The following ANO2 variants were observed in gnomAD, a reference collection of about 807,000 sequenced individuals.
ANO2 encodes the protein anoctamin 2.
In ANO2, 101 loss-of-function variants were observed where a neutral mutation model predicts 124.2. That is an observed-to-expected ratio of 0.81 (90% confidence interval 0.69 to 0.96). The LOEUF is 0.96. Among genes scored for constraint, ANO2 ranks in the 40% least tolerant of loss-of-function variants. The pLI is 0.00. For synonymous variants in ANO2, 486 were observed against 482.5 expected (o/e 1.01, Z -0.09); for missense variants, 1,293 against 1,274.5 (o/e 1.01, Z -0.22).
At chr12:5,733,128 G>A in intron 13 of ANO2, 1 of 574,150 alleles carries the variant, frequency 1.7e-6, no homozygotes, top group Non-Finnish European at 3.1e-6. Flanking sequence ...TATTCTCTGA[G>A]CTAAAATGGC....
intron 10 of ANO2, among the ~76,000 whole-genome samples, chr12:5,755,491 C>T (rs1011344884): frequency 2.6e-5 from 4 of 151,640 alleles, no homozygotes; most frequent in Admixed American, 1.3e-4. Context: ...GTGCCATGTT[C>T]GTGTGCTGCA....
At chr12:5,938,523 A>G (rs1942752565) in intron 1 of ANO2, among the ~76,000 whole-genome samples, 1 of 152,200 alleles carries the variant, frequency 6.6e-6, no homozygotes, top group East Asian at 1.9e-4. Flanking sequence ...TTATTTACTT[A>G]TTAAGATAAG....
chr12:5,750,431 T>G (rs990887851), intron 11 of ANO2, among the ~76,000 whole-genome samples: 3 of 152,226 alleles, frequency 2.0e-5, no homozygotes, highest in Non-Finnish European at 4.4e-5. Flanking sequence ...ACCACACAGA[T>G]GTGATTTCTA....
At chr12:5,785,126 C>T (rs1179279500) in intron 10 of ANO2, among the ~76,000 whole-genome samples, 1 of 152,072 alleles carries the variant, frequency 6.6e-6, no homozygotes, top group African/African-American at 2.4e-5. Flanking sequence ...TCCAGCAGGC[C>T]CAGACAGTGG....
At chr12:5,613,214 G>GGT (rs967588816) in intron 17 of ANO2, among the ~76,000 whole-genome samples, 1 of 152,030 alleles carries the variant, frequency 6.6e-6, no homozygotes, top group African/African-American at 2.4e-5. Context: ...AGCTGGGCCT[G>GGT]GTGTGTGTGC....
chr12:5,877,804 C>A (rs1225532861), intron 3 of ANO2, among the ~76,000 whole-genome samples: 1 of 152,206 alleles, frequency 6.6e-6, no homozygotes, highest in Non-Finnish European at 1.5e-5. Flanking sequence ...AAGGAACGCA[C>A]AACCTAGATT....
intron 10 of ANO2, among the ~76,000 whole-genome samples, chr12:5,754,523 A>G (rs1221368956): frequency 2.0e-5 from 3 of 152,166 alleles, no homozygotes; most frequent in Non-Finnish European, 4.4e-5. Flanking sequence ...GGAAGGATTC[A>G]TCCATGAAAC....
At chr12:5,826,186 C>T (rs1054143964) in intron 7 of ANO2, among the ~76,000 whole-genome samples, 11 of 151,956 alleles carry the variant, frequency 7.2e-5, no homozygotes, top group African/African-American at 9.7e-5. Flanking sequence ...AGTGCATTTC[C>T]GGTTGTACGA....
chr12:5,695,703 T>C (rs949150508), intron 14 of ANO2, among the ~76,000 whole-genome samples: 1 of 152,080 alleles, frequency 6.6e-6, no homozygotes. Context: ...TAGTTGGGCC[T>C]GGTGGCGCGT....
chr12:5,885,079 G>A (rs1006990585), intron 3 of ANO2, among the ~76,000 whole-genome samples: 9 of 152,148 alleles, frequency 5.9e-5, no homozygotes, highest in African/African-American at 1.7e-4. Context: ...CGTGGAAGCC[G>A]AACAAAATTT....
intron 10 of ANO2, among the ~76,000 whole-genome samples, chr12:5,755,751 C>T (rs1175382378): frequency 6.6e-6 from 1 of 152,136 alleles, no homozygotes; most frequent in Non-Finnish European, 1.5e-5. Flanking sequence ...TTTTGTATGG[C>T]TGCATAGTAT....
At position 5,565,628 on chromosome 12, in the gene ANO2, T is replaced by A; in HGVS notation, c.2657A>T (p.Asn886Ile). ...GTACTGTTTCGAAAACTCATAAGGG[T>A]TCGGGGCCCATGGCGGCTCTCGGTA... is the stretch of plus-strand genomic sequence containing the variant. ...KDYREPPWAP[N>I]PYEFSKQYWF... The change falls in exon 24 of 25, where the codon AAC becomes ATC. Residue 886 changes from asparagine to isoleucine, a missense_variant. Coordinates refer to ENST00000682330, the MANE Select transcript of ANO2 (RefSeq NM_001364791.2). 6.2e-7 allele frequency: 1 copy of A among 1,604,900 alleles called. No homozygotes were observed. The highest frequency in any genetic ancestry group is 8.5e-7 in the Non-Finnish European group (1 of 1,175,674).
intron 10 of ANO2, among the ~76,000 whole-genome samples, chr12:5,770,973 C>T (rs1952060730): frequency 6.6e-6 from 1 of 152,156 alleles, no homozygotes; most frequent in Admixed American, 6.5e-5. Context: ...CTGTGATCAC[C>T]CCATCCCAAA....
chr12:5,868,002 C>A (rs1351127612), intron 3 of ANO2, among the ~76,000 whole-genome samples: 1 of 151,960 alleles, frequency 6.6e-6, no homozygotes, highest in Non-Finnish European at 1.5e-5. Flanking sequence ...TTCAATAGCA[C>A]AATGGATAAC....
rs531112107 is a variant in ANO2, at chr12:5,930,451, G to A, written c.23-7647C>T. The stretch of plus-strand genomic sequence containing the variant: ...TGTTGGGAGATGAAGTGGTCCAGAC[G>A]GGTAGGTGCGGACTCGATCAGGAAA... On this transcript the variant is annotated intron_variant, in intron 1 of 24. Coordinates refer to ENST00000682330, the MANE Select transcript of ANO2 (RefSeq NM_001364791.2). Among the ~76,000 whole-genome samples the A allele has an allele frequency of 6.5e-4, 99 of 152,216 alleles. 1 individual carries two copies. The highest frequency in any genetic ancestry group is 3.1e-4 in the Non-Finnish European group (21 of 67,998).
At chr12:5,665,026 T>C (rs1324984277) in intron 14 of ANO2, among the ~76,000 whole-genome samples, 9 of 152,140 alleles carry the variant, frequency 5.9e-5, no homozygotes, top group African/African-American at 9.7e-5. Flanking sequence ...CTTTTTTTTT[T>C]CTTCAGGCAG....
In ANO2 at chr12:5,922,622, A is replaced by T. The variant is rs754021969; in HGVS notation, c.205T>A (p.Ser69Thr). 1.9e-5 allele frequency: 29 copies of T among 1,501,318 alleles called. No individual in the cohort carries two copies. Among genetic ancestry groups the T allele is most frequent in the Admixed American group, 4.0e-5 (2 of 49,746 alleles). The allele number at this position is 1,501,318 out of a possible 1,614,324, so 93.0% of individuals were successfully genotyped here. A position where few individuals can be genotyped will look rare whatever the true frequency, so the allele number is the denominator to read the frequency against. Residue 69 changes from serine (S) to threonine (T), a missense_variant and splice_region_variant, in exon 2 of 25, where the codon TCT becomes ACT. Transcript: ENST00000682330. ...CCCCACCCCCGCCCAGTACTCACAG[A>T]GCTGCTGCGGGTGCTCTCTCCACCG... is the stretch of plus-strand genomic sequence containing the variant. ...PCGGESTRSS[S>T]VINNYLDANE...
chr12:5,761,983 T>C lies in ANO2; in HGVS notation c.1056-11013A>G, dbSNP rs186057322. On this transcript the variant is annotated intron_variant, in intron 10 of 24. Transcript: ENST00000682330. ...GATAATGACTAGCTTTGATGTTTTA[T>C]GAAATTTTCATGAGTAATCCAAGCA... Among the ~76,000 whole-genome samples, 917 of 152,274 alleles carry C rather than the reference T, an allele frequency of 6.0e-3. 6 individuals carry two copies. The highest frequency in any genetic ancestry group is 7.1e-3 in the Non-Finnish European group (483 of 67,940).
At chr12:5,714,564 G>C (rs1388748631) in intron 14 of ANO2, among the ~76,000 whole-genome samples, 1 of 152,158 alleles carries the variant, frequency 6.6e-6, no homozygotes, top group Non-Finnish European at 1.5e-5. Context: ...TCAATATGGT[G>C]CTCGCTGTGG....
Sources: allele counts gnomAD v4.1 joint callset (sites outside exome capture counted in the v4.1 genomes callset), GRCh38; gene constraint gnomAD v4.1.1; transcripts MANE v1.5; gene names NCBI Gene and HGNC (gene_info 2026-07-23, HGNC 2026-07-21).